Variants in MYO1D observed in about 807,000 individuals in gnomAD.
The protein encoded by MYO1D is myosin ID, also known as unconventional myosin-Id.
Under a neutral mutation model 122.0 loss-of-function variants are expected in MYO1D, and 83 were observed. The ratio of observed to expected loss-of-function variants is 0.68; its 90% CI spans 0.57 to 0.82. MYO1D has a LOEUF of 0.82. Ranked by LOEUF, MYO1D falls within the 40% of genes least tolerant of loss-of-function variation. The pLI, the probability that MYO1D is intolerant of heterozygous loss-of-function variation, is 0.00. For missense variants in MYO1D, 1,157 were observed against 1,269.5 expected (o/e 0.91, Z 1.35); for synonymous variants, 464 against 446.9 (o/e 1.04, Z -0.48).
chr17:32,595,778 G>A (rs2087485790), intron 21 of MYO1D, among the ~76,000 whole-genome samples: 1 of 152,144 alleles, frequency 6.6e-6, no homozygotes, highest in African/African-American at 2.4e-5. Flanking sequence ...TTGTATTCCA[G>A]TTGGAATATA....
At chr17:32,709,224 C>A (rs1167692139) in intron 16 of MYO1D, among the ~76,000 whole-genome samples, 1 of 152,032 alleles carries the variant, frequency 6.6e-6, no homozygotes, top group Non-Finnish European at 1.5e-5. Context: ...AAAAGGGGTA[C>A]TATTAATAGT....
intron 7 of MYO1D, among the ~76,000 whole-genome samples, chr17:32,766,753 C>T (rs1032149795): frequency 6.6e-6 from 1 of 152,042 alleles, no homozygotes; most frequent in Non-Finnish European, 1.5e-5. Context: ...GATTGCACCA[C>T]TGCACTCCAG....
At chr17:32,699,907 A>G (rs916262347) in intron 16 of MYO1D, among the ~76,000 whole-genome samples, 38 of 152,344 alleles carry the variant, frequency 2.5e-4, no homozygotes, top group African/African-American at 8.7e-4. Context: ...ACCAGGCCCT[A>G]AAGTAAACCT....
chr17:32,864,857 T>A (rs1470259009), intron 1 of MYO1D, among the ~76,000 whole-genome samples: 3 of 152,206 alleles, frequency 2.0e-5, no homozygotes, highest in Admixed American at 2.0e-4. Flanking sequence ...CCTTGGGAGA[T>A]AAGACTTTGT....
chr17:32,772,901 A>G (rs367571091), intron 4 of MYO1D, 59 bp from the exon 5 acceptor site: 16 of 1,411,920 alleles, frequency 1.1e-5, no homozygotes, highest in Non-Finnish European at 1.6e-5. Context: ...ATAAAACAGG[A>G]GCCACTTTCT....
chr17:32,572,741 A>G (rs540845736), intron 21 of MYO1D, among the ~76,000 whole-genome samples: 1 of 152,096 alleles, frequency 6.6e-6, no homozygotes, highest in Admixed American at 6.6e-5. Context: ...ACAGGCACTT[A>G]TCGTTCCACT....
chr17:32,710,601 A>C (rs1346379563), intron 16 of MYO1D, among the ~76,000 whole-genome samples: 1 of 152,228 alleles, frequency 6.6e-6, no homozygotes, highest in Non-Finnish European at 1.5e-5. Flanking sequence ...GATTATGTCA[A>C]AATTAAGAAT....
In MYO1D at chr17:32,507,587, T is replaced by C. The variant is rs1597863044; in HGVS notation, c.2865-12672A>G. Among the ~76,000 whole-genome samples the C allele has an allele frequency of 4.6e-5, 7 of 152,272 alleles. 1 individual carries two copies. Among genetic ancestry groups the C allele is most frequent in the Admixed American group, 4.6e-4 (7 of 15,290 alleles). On this transcript the variant is annotated intron_variant, in intron 21 of 21. Coordinates refer to ENST00000318217, the MANE Select transcript of MYO1D (RefSeq NM_015194.3). ...ACCATCTTCTGTGTCTACAGTGCAG[T>C]AAAATTAGAAATCAAATAAAAGGAG...
chr17:32,671,873 C>T (rs2088726575), intron 16 of MYO1D, among the ~76,000 whole-genome samples: 1 of 152,132 alleles, frequency 6.6e-6, no homozygotes, highest in Admixed American at 6.5e-5. Flanking sequence ...AATATGGATC[C>T]CGTCTTTATT....
chr17:32,826,132 T>C (rs1340664892), intron 1 of MYO1D, among the ~76,000 whole-genome samples: 4 of 152,112 alleles, frequency 2.6e-5, no homozygotes, highest in Non-Finnish European at 4.4e-5. Context: ...CTGAAGAATT[T>C]TGAGGTATTT....
chr17:32,678,126 G>A (rs140952620), intron 16 of MYO1D, among the ~76,000 whole-genome samples: 181 of 152,250 alleles, frequency 1.2e-3, no homozygotes, highest in African/African-American at 4.2e-3. Flanking sequence ...CCTTATTTAT[G>A]TATTTCCTGG....
At chr17:32,797,955 C>T (rs2090432333) in intron 1 of MYO1D, among the ~76,000 whole-genome samples, 1 of 152,136 alleles carries the variant, frequency 6.6e-6, no homozygotes, top group Non-Finnish European at 1.5e-5. Context: ...TCTTCTAAAG[C>T]CCTCTTTTGT....
intron 21 of MYO1D, among the ~76,000 whole-genome samples, chr17:32,543,096 G>C (rs1264434177): frequency 6.6e-6 from 1 of 151,170 alleles, no homozygotes; most frequent in Non-Finnish European, 1.5e-5. Flanking sequence ...CATGGTGGCG[G>C]GCGCCTGTAG....
rs561353003 is a variant in MYO1D, at chr17:32,662,081, T to G, written c.2122-2743A>C. Among the ~76,000 whole-genome samples, 3 of 152,336 alleles carry G rather than the reference T, an allele frequency of 2.0e-5. No individual in the cohort carries two copies. The South Asian group carries it at 6.2e-4, about 32-fold the overall frequency. ...AATGATTAGCAGTAATTTTTTTACT[T>G]GTCAGGCACATTAACTGAATCTTTT... On this transcript the variant is annotated intron_variant, in intron 16 of 21. Transcript: ENST00000318217.
At chr17:32,500,366 C>T (rs922101581) in intron 21 of MYO1D, among the ~76,000 whole-genome samples, 1 of 152,228 alleles carries the variant, frequency 6.6e-6, no homozygotes, top group Admixed American at 6.5e-5. Flanking sequence ...CCATGAAGTT[C>T]CTTCTAAACA....
At chr17:32,746,201 A>C (rs1042830307) in intron 12 of MYO1D, among the ~76,000 whole-genome samples, 1 of 152,170 alleles carries the variant, frequency 6.6e-6, no homozygotes, top group African/African-American at 2.4e-5. Flanking sequence ...ACCATACCCA[A>C]AATTATTTCC....
intron 1 of MYO1D, among the ~76,000 whole-genome samples, chr17:32,871,685 G>A (rs551691588): frequency 3.4e-4 from 52 of 152,336 alleles, no homozygotes; most frequent in Admixed American, 2.6e-3. Flanking sequence ...TTTCTGTCAA[G>A]GACACCGTCC....
chr17:32,624,602 T>C (rs1298550104), intron 20 of MYO1D, among the ~76,000 whole-genome samples: 7 of 152,192 alleles, frequency 4.6e-5, no homozygotes, highest in Non-Finnish European at 8.8e-5. Context: ...AAAACCACTA[T>C]ATTTTTTCTG....
intron 1 of MYO1D, among the ~76,000 whole-genome samples, chr17:32,826,118 CTT>C: frequency 6.6e-6 from 1 of 150,996 alleles, no homozygotes; most frequent in South Asian, 2.1e-4. Context: ...GGAGAATACA[CTT>C]CCTGAAGAAT....
Sources: allele counts gnomAD v4.1 joint callset (sites outside exome capture counted in the v4.1 genomes callset), GRCh38; gene constraint gnomAD v4.1.1; transcripts MANE v1.5; gene names NCBI Gene and HGNC (gene_info 2026-07-23, HGNC 2026-07-21).